The following TAF12 variants were observed in gnomAD, a reference collection of about 807,000 sequenced individuals.
The protein encoded by TAF12 is TATA-box binding protein associated factor 12, also known as transcription initiation factor TFIID subunit 12.
A neutral mutation model predicts 20.8 loss-of-function variants in TAF12; 3 were observed. That is an observed-to-expected ratio of 0.14 (90% CI 0.07 to 0.37). The LOEUF is 0.37. TAF12 is among the 10% of genes least tolerant of loss of function. The pLI is 1.00. For synonymous variants in TAF12, 69 were observed against 70.2 expected (o/e 0.98, Z 0.09); for missense variants, 131 against 197.9 (o/e 0.66, Z 2.03).
At chr1:28,638,370 G>A (rs1667913519) in intron 1 of TAF12, among the ~76,000 whole-genome samples, 2 of 151,796 alleles carry the variant, frequency 1.3e-5, no homozygotes, top group African/African-American at 4.8e-5. Flanking sequence ...TGTATTTTTA[G>A]TAGAGATGGG....
chr1:28,635,426 C>T (rs1667791970), intron 1 of TAF12, among the ~76,000 whole-genome samples: 1 of 150,814 alleles, frequency 6.6e-6, no homozygotes, highest in Non-Finnish European at 1.5e-5. Flanking sequence ...CTGTCTCAGC[C>T]TCCTGAGTAG....
intron 3 of TAF12, among the ~76,000 whole-genome samples, chr1:28,615,678 C>CAAAAAAAAAAAAAAAAAAAAAA (rs57536422): frequency 2.9e-5 from 1 of 34,494 alleles, no homozygotes; most frequent in African/African-American, 1.3e-4. Flanking sequence ...GACTCCGTCT[C>CAAAAAAAAAAAAAAAAAAAAAA]AAAAAAAAAA....
upstream of TAF12, among the ~76,000 whole-genome samples, chr1:28,645,404 C>A (rs1297630691): frequency 7.0e-6 from 1 of 142,514 alleles, no homozygotes; most frequent in African/African-American, 2.6e-5. Context: ...AATCCCAGCA[C>A]TTTGGGAGGC....
intron 1 of TAF12, among the ~76,000 whole-genome samples, chr1:28,632,448 G>A (rs1366000222): frequency 3.3e-5 from 5 of 152,022 alleles, no homozygotes; most frequent in Non-Finnish European, 5.9e-5. Context: ...CCCGGGAGGC[G>A]GAGGTTGCAG....
chr1:28,614,627 G>A (rs1449207995), intron 3 of TAF12, among the ~76,000 whole-genome samples: 1 of 151,298 alleles, frequency 6.6e-6, no homozygotes, highest in Non-Finnish European at 1.5e-5. Context: ...AGGTTGCAGT[G>A]AGCCGAGACT....
chr1:28,636,421 C>A (rs1008457846), intron 1 of TAF12, among the ~76,000 whole-genome samples: 2 of 152,060 alleles, frequency 1.3e-5, no homozygotes, highest in African/African-American at 2.4e-5. Context: ...ACCAACTGTG[C>A]CACTTTTCAG....
intron 3 of TAF12, among the ~76,000 whole-genome samples, chr1:28,616,036 A>T (rs1422599506): frequency 6.6e-6 from 1 of 152,180 alleles, no homozygotes; most frequent in Non-Finnish European, 1.5e-5. Flanking sequence ...ACATTTACCC[A>T]TATATTACTG....
At chr1:28,629,855 G>A (rs1445884297) in intron 1 of TAF12, among the ~76,000 whole-genome samples, 2 of 152,022 alleles carry the variant, frequency 1.3e-5, no homozygotes, top group Non-Finnish European at 2.9e-5. Flanking sequence ...GCCCAGGATG[G>A]CCCTGAACTC....
chr1:28,620,744 T>C (rs749650051), intron 2 of TAF12, among the ~76,000 whole-genome samples: 4 of 152,062 alleles, frequency 2.6e-5, no homozygotes, highest in Admixed American at 2.0e-4. Context: ...AACCCAGAAA[T>C]TTGAGGCTAC....
At chr1:28,607,924 G>A (rs2124297072) in intron 4 of TAF12, among the ~76,000 whole-genome samples, 1 of 151,900 alleles carries the variant, frequency 6.6e-6, no homozygotes, top group East Asian at 1.9e-4. Context: ...ATCACTTGAG[G>A]CCAAGAGTTC....
chr1:28,648,104 C>A (rs1668245937), upstream of TAF12: 8 of 951,432 alleles, frequency 8.4e-6, no homozygotes, highest in Non-Finnish European at 1.0e-5. Context: ...CCACTGCACG[C>A]CTGCCTGGGC....
intron 3 of TAF12, among the ~76,000 whole-genome samples, chr1:28,614,237 A>C (rs1666959008): frequency 6.6e-6 from 1 of 151,892 alleles, no homozygotes; most frequent in Non-Finnish European, 1.5e-5. Flanking sequence ...ACTCTGTCTC[A>C]AAACAAAAAA....
At chr1:28,629,555 C>T (rs1468932980) in intron 1 of TAF12, among the ~76,000 whole-genome samples, 4 of 152,080 alleles carry the variant, frequency 2.6e-5, no homozygotes, top group East Asian at 1.9e-4. Flanking sequence ...AGGCTGGTCT[C>T]GAACTTCCAA....
At position 28,613,298 on chromosome 1, in the gene TAF12, G is replaced by A. The variant is rs998942474; in HGVS notation, c.310C>T (p.Arg104Trp). ...TCCAGGGTGCTAGACTTGCGATGCCGCGCAAGCTGACAGGCTGCTGTCACC... is the reference window on the plus strand; with the variant it reads ...TCCAGGGTGCTAGACTTGCGATGCCACGCAAGCTGACAGGCTGCTGTCACC... Reference protein sequence around the residue: ...SVVTAACQLARHRKSSTLEVK... With the variant: ...SVVTAACQLAWHRKSSTLEVK... The change falls in exon 4 of 6, where the codon CGG (arginine) becomes TGG (tryptophan). Residue 104 changes from arginine to tryptophan, a missense_variant. This residue lies in a region of TAF12 where 60 missense variants were observed against 90.2 expected (regional missense o/e 0.66). Coordinates refer to ENST00000373824, the MANE Select transcript of TAF12 (RefSeq NM_005644.4). The A allele has an allele frequency of 3.7e-6, 6 of 1,612,370 alleles. No individual in the cohort carries two copies. Among genetic ancestry groups the A allele is most frequent in the Non-Finnish European group, 4.2e-6 (5 of 1,179,390 alleles).
chr1:28,635,982 G>T (rs528183304), intron 1 of TAF12, among the ~76,000 whole-genome samples: 1 of 152,090 alleles, frequency 6.6e-6, no homozygotes, highest in East Asian at 1.9e-4. Context: ...CTATACTGTG[G>T]TGCATGACTT....
intron 4 of TAF12, among the ~76,000 whole-genome samples, chr1:28,609,771 G>A (rs1474399352): frequency 2.0e-5 from 3 of 152,120 alleles, no homozygotes; most frequent in Admixed American, 6.6e-5. Context: ...ACAGGCGTGA[G>A]CCACCGTGTC....
intron 1 of TAF12, chr1:28,642,544 C>A: frequency 1.4e-6 from 1 of 735,018 alleles, no homozygotes. Flanking sequence ...TGCTTCTGCC[C>A]CTCAGGAACC....
At chr1:28,611,678 C>T (rs1026231289) in intron 4 of TAF12, among the ~76,000 whole-genome samples, 6 of 152,144 alleles carry the variant, frequency 3.9e-5, no homozygotes, top group Non-Finnish European at 8.8e-5. Context: ...AGAATAGATT[C>T]TTCCCTAGGG....
chr1:28,624,568 G>A (rs781340677), intron 1 of TAF12, among the ~76,000 whole-genome samples: 2 of 151,966 alleles, frequency 1.3e-5, no homozygotes, highest in South Asian at 4.1e-4. Context: ...CCGACATAAT[G>A]AAACCCAGTC....
Sources: gnomAD v4.1 joint callset for allele counts (sites outside exome capture counted in the v4.1 genomes callset) on GRCh38, gnomAD v4.1.1 for gene constraint, gnomAD v4.1.1 regional missense constraint, MANE v1.5 for transcripts, NCBI Gene and HGNC (gene_info 2026-07-23, HGNC 2026-07-21) for gene names.